ATG14: variants seen among roughly 807,000 people sequenced by gnomAD.
ATG14 encodes beclin 1-associated autophagy-related key regulator.
ATG14 carries 35 observed loss-of-function variants against 60.4 expected under a neutral mutation model. The ratio of observed to expected loss-of-function variants is 0.58; its 90% CI spans 0.44 to 0.77. ATG14 has a LOEUF of 0.77. Ranked by LOEUF, ATG14 falls within the 30% of genes least tolerant of loss-of-function variation. ATG14 has a pLI of 0.00. For synonymous variants in ATG14, 234 were observed against 228.8 expected (o/e 1.02, Z -0.21); for missense variants, 647 against 626.3 (o/e 1.03, Z -0.35).
intron 9 of ATG14, among the ~76,000 whole-genome samples, chr14:55,374,775 C>T (rs1189403112): frequency 2.0e-5 from 3 of 152,216 alleles, no homozygotes; most frequent in African/African-American, 7.2e-5. Context: ...GAACCATTAT[C>T]TGATTCAACG....
intron 5 of ATG14, among the ~76,000 whole-genome samples, chr14:55,384,229 AG>A (rs1885084849): frequency 6.6e-6 from 1 of 152,250 alleles, no homozygotes; most frequent in Admixed American, 6.5e-5. Context: ...GCACAGAAAT[AG>A]TTTTTCTTCA....
At chr14:55,394,512 ACAT>A (rs1210651997) in intron 3 of ATG14, among the ~76,000 whole-genome samples, 1 of 152,180 alleles carries the variant, frequency 6.6e-6, no homozygotes. Flanking sequence ...CTATCTTCAC[ACAT>A]TGATAAGCTG....
chr14:55,393,680 G>A (rs961082900), intron 3 of ATG14, among the ~76,000 whole-genome samples: 5 of 151,802 alleles, frequency 3.3e-5, no homozygotes, highest in Non-Finnish European at 7.4e-5. Context: ...AAGTAGCTGG[G>A]ACTACAGGTA....
At chr14:55,371,233 C>T (rs953983686) in intron 9 of ATG14, among the ~76,000 whole-genome samples, 12 of 152,190 alleles carry the variant, frequency 7.9e-5, no homozygotes, top group African/African-American at 2.2e-4. Context: ...AATCGTATAG[C>T]TTGCCATTTC....
chr14:55,378,373 AT>A (rs1884960926), intron 7 of ATG14, among the ~76,000 whole-genome samples: 1 of 152,356 alleles, frequency 6.6e-6, no homozygotes, highest in African/African-American at 2.4e-5. Context: ...TTCTTGAAGC[AT>A]CAACAGCAGA....
intron 4 of ATG14, among the ~76,000 whole-genome samples, chr14:55,386,735 G>A (rs1042749417): frequency 1.3e-5 from 2 of 152,098 alleles, no homozygotes; most frequent in Middle Eastern, 3.4e-3. Context: ...ACATACACTC[G>A]TCCTGTCAGA....
At chr14:55,391,250 CAGATCAAGAGGTTAGG>C in intron 3 of ATG14, 1 of 301,414 alleles carries the variant, frequency 3.3e-6, no homozygotes, top group Non-Finnish European at 6.1e-6. Context: ...CCAAGGAGGG[CAGATCAAGAGGTTAGG>C]AGATCAAGAC....
At chr14:55,378,957 CTCAGCT>C (rs1884977452) in intron 7 of ATG14, among the ~76,000 whole-genome samples, 2 of 152,090 alleles carry the variant, frequency 1.3e-5, no homozygotes, top group African/African-American at 4.8e-5. Flanking sequence ...ATCCTCCTGC[CTCAGCT>C]TCCCAAAGTG....
intron 1 of ATG14, among the ~76,000 whole-genome samples, chr14:55,407,271 G>A (rs1054440757): frequency 6.6e-6 from 1 of 152,170 alleles, no homozygotes; most frequent in African/African-American, 2.4e-5. Context: ...TGAGACCACA[G>A]GCATGCGTGC....
chr14:55,381,223 G>A (rs1885028267), intron 6 of ATG14, among the ~76,000 whole-genome samples: 1 of 152,146 alleles, frequency 6.6e-6, no homozygotes. Context: ...CCAGCACCCA[G>A]CAATGTGCAT....
intron 1 of ATG14, among the ~76,000 whole-genome samples, chr14:55,397,943 CTTTTT>C (rs928087584): frequency 0.01 from 1,066 of 105,518 alleles, 10 homozygotes; most frequent in African/African-American, 0.04. Context: ...TGCAGTAATT[CTTTTT>C]TTTTTTTTTT....
chr14:55,377,990 AAAAC>A lies in ATG14; in HGVS notation c.1076_1079del (p.Cys359PhefsTer5), dbSNP rs1408839126. On this transcript the variant is annotated frameshift_variant, in exon 8 of 10. Coordinates refer to ENST00000247178, the MANE Select transcript of ATG14 (RefSeq NM_014924.5). LOFTEE classifies it high-confidence loss of function. ...CACAACCTATTTTTCATACCTGAGA[AAAAC>A]AAAGGTAAAGAATATTTGCATTCAG... The A allele has an allele frequency of 3.1e-6, 5 of 1,607,908 alleles. No homozygotes were observed. Among genetic ancestry groups the A allele is most frequent in the Non-Finnish European group, 4.3e-6 (5 of 1,175,772 alleles).
At chr14:55,374,121 C>T (rs1884875150) in intron 9 of ATG14, among the ~76,000 whole-genome samples, 1 of 152,242 alleles carries the variant, frequency 6.6e-6, no homozygotes, top group African/African-American at 2.4e-5. Context: ...CTACCAGCAA[C>T]GCTGGATTCA....
intron 1 of ATG14, among the ~76,000 whole-genome samples, chr14:55,400,609 A>G (rs1310300069): frequency 3.3e-5 from 5 of 152,186 alleles, no homozygotes; most frequent in Non-Finnish European, 5.9e-5. Context: ...ATTCCTACAA[A>G]TAAAATAAAC....
At chr14:55,411,516 A>G in intron 1 of ATG14, 86 bp downstream of exon 1, 2 of 1,321,940 alleles carry the variant, frequency 1.5e-6, no homozygotes, top group South Asian at 2.8e-5. Context: ...TGGTGCCCGG[A>G]CGGGGAGCCC....
At chr14:55,390,182 T>C (rs964741949) in intron 4 of ATG14, among the ~76,000 whole-genome samples, 4 of 152,184 alleles carry the variant, frequency 2.6e-5, no homozygotes, top group African/African-American at 7.2e-5. Flanking sequence ...GCAAGTCTCC[T>C]GCCTCAGCCT....
intron 9 of ATG14, among the ~76,000 whole-genome samples, chr14:55,370,331 TTATTTAGTGTAATAAG>T (rs1298614581): frequency 2.0e-5 from 3 of 152,230 alleles, no homozygotes; most frequent in Admixed American, 6.5e-5. Context: ...ACTCTGGATA[TTATTTAGTGTAATAAG>T]TAATAAATGG....
At chr14:55,386,361 G>A (rs367961328) in intron 4 of ATG14, among the ~76,000 whole-genome samples, 1 of 152,214 alleles carries the variant, frequency 6.6e-6, no homozygotes, top group Non-Finnish European at 1.5e-5. Context: ...CAACTATCGA[G>A]TTTAAGTTTA....
intron 1 of ATG14, among the ~76,000 whole-genome samples, chr14:55,409,566 A>T (rs1885539918): frequency 6.6e-6 from 1 of 152,168 alleles, no homozygotes; most frequent in Admixed American, 6.5e-5. Flanking sequence ...GCACCTAAAA[A>T]AAAAAACAAA....
Sources: allele counts gnomAD v4.1 joint callset (sites outside exome capture counted in the v4.1 genomes callset), GRCh38; gene constraint gnomAD v4.1.1; transcripts MANE v1.5; gene names NCBI Gene and HGNC (gene_info 2026-07-23, HGNC 2026-07-21).